The following DYNC1H1 variants were observed in gnomAD, a reference collection of about 807,000 sequenced individuals.
The protein encoded by DYNC1H1 is cytoplasmic dynein 1 heavy chain 1.
Under a neutral mutation model 527.1 loss-of-function variants are expected in DYNC1H1, and 51 were observed. The ratio of observed to expected loss-of-function variants is 0.10; its 90% CI spans 0.08 to 0.12. The LOEUF is 0.12. DYNC1H1 is among the 10% of genes least tolerant of loss of function. The pLI is 1.00. For missense variants in DYNC1H1, 2,771 were observed against 5,971.8 expected (o/e 0.46, Z 17.66); for synonymous variants, 2,189 against 2,278.8 (o/e 0.96, Z 1.12).
At position 102,039,272 on chromosome 14, in the gene DYNC1H1, G is replaced by A. The variant is rs200138434; in HGVS notation, c.11460+18G>A. On this transcript the variant is annotated intron_variant, in intron 60 of 77. Transcript: ENST00000360184. This position sits in a 1 kb window ranked among gnomAD's most constrained non-coding sequence, Gnocchi z 7.0. Reference sequence around the variant, plus strand: ...TCAAGCAGGTGGGTGCCTTGGCCATGCAGAGACTGGCGGGCCCCGCACAGT... The same window carrying A: ...TCAAGCAGGTGGGTGCCTTGGCCATACAGAGACTGGCGGGCCCCGCACAGT... 1 of 1,612,824 alleles carries A rather than the reference G, an allele frequency of 6.2e-7. No homozygotes were observed. The highest frequency in any genetic ancestry group is 1.9e-4 in the Middle Eastern group (1 of 5,236).
At position 102,049,664 on chromosome 14, in the gene DYNC1H1, G is replaced by T; in HGVS notation, c.13516-50G>T. 6.2e-7 allele frequency: 1 copy of T among 1,613,562 alleles called. No homozygotes were observed. On this transcript the variant is annotated intron_variant, in intron 75 of 77. Coordinates refer to ENST00000360184, the MANE Select transcript of DYNC1H1 (RefSeq NM_001376.5). The surrounding 1 kb of genome is among the most constrained non-coding windows in gnomAD (Gnocchi z 5.5). ...GAGTGGCTCTGGGGAAAAACACAGG[G>T]CCCAGGTCTGACCTGAGCTCCTTCC... is the stretch of plus-strand genomic sequence containing the variant.
At position 102,044,943 on chromosome 14, in the gene DYNC1H1, G is replaced by T. The variant is rs142287942; in HGVS notation, c.13006+245G>T. ...TCTCTGCAGCATCAACTCAGTTCTA[G>T]AGAAAAGGCTTGATATTTATGTAAA... On this transcript the variant is annotated intron_variant, in intron 72 of 77. Transcript: ENST00000360184. This position sits in a 1 kb window ranked among gnomAD's most constrained non-coding sequence, Gnocchi z 7.1. 3.8e-5 allele frequency: 22 copies of T among 572,768 alleles called. 1 individual carries two copies. The East Asian group carries it at 6.6e-4, about 17-fold the overall frequency. 35.5% of individuals were successfully genotyped at this position (572,768 alleles called of 1,614,324 possible). A position where few individuals can be genotyped will look rare whatever the true frequency, so the allele number is the denominator to read the frequency against.
rs757934129 is a variant in DYNC1H1, at chr14:101,964,791, C to T, written c.100C>T (p.Leu34=). ...VADVSVLQKH[L]RKLVPLLLED... is the part of the protein sequence containing the mutation. ...GGACGTGTCGGTGCTGCAGAAGCAC[C>T]TGCGCAAGCTGGTGCCGCTGCTGCT... Residue 34 remains leucine (L), a synonymous_variant, in exon 1 of 78, where the codon CTG becomes TTG. Transcript: ENST00000360184. This position sits in a 1 kb window ranked among gnomAD's most constrained non-coding sequence, Gnocchi z 5.5. 1.2e-5 allele frequency: 19 copies of T among 1,602,658 alleles called. No individual in the cohort carries two copies. Among genetic ancestry groups the T allele is most frequent in the Non-Finnish European group, 3.4e-6 (4 of 1,176,696 alleles).
Position 102,010,263 on chromosome 14 carries a change from TC to T in DYNC1H1, c.6222-12del. ...ACTGTTATTAAAGATAGCCTTTTTT[TC>T]TTCTTTTCTAGACTATGCGATGAGC... On this transcript the variant is annotated splice_polypyrimidine_tract_variant and intron_variant, in intron 30 of 77. Coordinates refer to ENST00000360184, the MANE Select transcript of DYNC1H1 (RefSeq NM_001376.5). The surrounding 1 kb of genome is among the most constrained non-coding windows in gnomAD (Gnocchi z 6.0). 1 of 1,613,724 alleles carries T rather than the reference TC, an allele frequency of 6.2e-7. No homozygotes were observed. Among genetic ancestry groups the T allele is most frequent in the Non-Finnish European group, 8.5e-7 (1 of 1,180,012 alleles).
rs770752094 is a variant in DYNC1H1, at chr14:102,010,392, G to A, written c.6338G>A (p.Arg2113Lys). 4 of 1,614,154 alleles carry A rather than the reference G, an allele frequency of 2.5e-6. No individual in the cohort carries two copies. In the South Asian group the frequency reaches 4.4e-5, roughly 18 times the overall value. The change falls in exon 31 of 78, where the codon AGG (arginine) becomes AAG (lysine). Residue 2113 changes from arginine to lysine, a missense_variant. By Grantham distance (26) the Arg-to-Lys change is conservative. This residue lies in a region of DYNC1H1 where 56 missense variants were observed against 140.6 expected (regional missense o/e 0.40). Transcript: ENST00000360184. The surrounding 1 kb of genome is among the most constrained non-coding windows in gnomAD (Gnocchi z 6.0). ...AGAGAGAGAATCCAGAAGATAAAGAGGGAGAAAGAGGAACGAGGGGAAGCA... is the reference window on the plus strand; with the variant it reads ...AGAGAGAGAATCCAGAAGATAAAGAAGGAGAAAGAGGAACGAGGGGAAGCA... ...VKRERIQKIK[R>K]EKEERGEAVD...
At position 102,036,228 on chromosome 14, in the gene DYNC1H1, G is replaced by A. The variant is rs1474065371; in HGVS notation, c.10755-261G>A. The A allele has an allele frequency of 6.8e-6, 3 of 442,648 alleles. No homozygotes were observed. Among genetic ancestry groups the A allele is most frequent in the Non-Finnish European group, 1.3e-5 (3 of 237,534 alleles). 27.4% of individuals were successfully genotyped at this position (442,648 alleles called of 1,614,324 possible). A position where few individuals can be genotyped will look rare whatever the true frequency, so the allele number is the denominator to read the frequency against. ...TGCTGAGAGGATGATTGTCCCAGAA[G>A]GAAAAAGATTTTTAACTATGGCCCT... On this transcript the variant is annotated intron_variant, in intron 56 of 77. Transcript: ENST00000360184. The surrounding 1 kb of genome is among the most constrained non-coding windows in gnomAD (Gnocchi z 5.6).
In DYNC1H1 at chr14:102,001,487, G is replaced by A; in HGVS notation, c.4396-48G>A. The A allele has an allele frequency of 6.2e-7, 1 of 1,614,102 alleles. No homozygotes were observed. Among genetic ancestry groups the A allele is most frequent in the Non-Finnish European group, 8.5e-7 (1 of 1,179,994 alleles). On this transcript the variant is annotated intron_variant, in intron 20 of 77. Transcript: ENST00000360184. The surrounding 1 kb of genome is among the most constrained non-coding windows in gnomAD (Gnocchi z 5.0). ...TAATGCTGGGTCCCTTGTGCAGGTAGTGAATGCCCACATATTGATAACATG... is the reference window on the plus strand; with the variant it reads ...TAATGCTGGGTCCCTTGTGCAGGTAATGAATGCCCACATATTGATAACATG...
At position 102,015,897 on chromosome 14, in the gene DYNC1H1, G is replaced by T. The variant is rs762065704; in HGVS notation, c.7284G>T (p.Thr2428=). ...CTACGATCATGCAACCGTACTTCAC[G>T]TCCAACGGCCTGGTCACCAAGGCGC... ...DAATIMQPYF[T]SNGLVTKALE... Residue 2428 remains threonine (T), a synonymous_variant, in exon 36 of 78, where the codon ACG becomes ACT. Coordinates refer to ENST00000360184, the MANE Select transcript of DYNC1H1 (RefSeq NM_001376.5). This position sits in a 1 kb window ranked among gnomAD's most constrained non-coding sequence, Gnocchi z 6.9. 2 of 1,614,230 alleles carry T rather than the reference G, an allele frequency of 1.2e-6. No individual in the cohort carries two copies. Among genetic ancestry groups the T allele is most frequent in the Admixed American group, 1.7e-5 (1 of 60,026 alleles).
At position 102,005,088 on chromosome 14, in the gene DYNC1H1, T is replaced by C. The variant is rs749796285; in HGVS notation, c.5285T>C (p.Val1762Ala). 1.2e-6 allele frequency: 2 copies of C among 1,614,082 alleles called. No individual in the cohort carries two copies. Among genetic ancestry groups the C allele is most frequent in the African/African-American group, 2.7e-5 (2 of 74,934 alleles). Residue 1762 changes from valine to alanine, a missense_variant, in exon 26 of 78, where the codon GTG becomes GCG. Physicochemically the swap from Val to Ala is moderately conservative, Grantham distance 64 (BLOSUM62 0). Around this residue, in one of 32 missense-constraint regions of DYNC1H1, gnomAD observed 105 missense variants for 138.1 expected, o/e 0.76. Coordinates refer to ENST00000360184, the MANE Select transcript of DYNC1H1 (RefSeq NM_001376.5). This position sits in a 1 kb window ranked among gnomAD's most constrained non-coding sequence, Gnocchi z 4.0. ...GCCCAGATAGCCTGGTCTGAGAACG[T>C]GGAGACCGCACTGAGCAGCATGGGC... ...LSAQIAWSEN[V>A]ETALSSMGGG...
rs1567017804 is a variant in DYNC1H1, at chr14:102,029,647, G to A, written c.9577G>A (p.Glu3193Lys). Residue 3193 changes from glutamate (E) to lysine (K), a missense_variant, in exon 49 of 78, where the codon GAG becomes AAG. Glu to Lys is a moderately conservative substitution (Grantham distance 56). Coordinates refer to ENST00000360184, the MANE Select transcript of DYNC1H1 (RefSeq NM_001376.5). This position sits in a 1 kb window ranked among gnomAD's most constrained non-coding sequence, Gnocchi z 5.3. ...YANLFHEKRS[E>K]LEEQQMHLNV... Reference sequence around the variant, plus strand: ...CAACCTGTTCCACGAGAAGCGGAGCGAGCTGGAGGAGCAGCAGATGCACTT... The same window carrying A: ...CAACCTGTTCCACGAGAAGCGGAGCAAGCTGGAGGAGCAGCAGATGCACTT... 6.2e-7 allele frequency: 1 copy of A among 1,614,224 alleles called. No homozygotes were observed. Among genetic ancestry groups the A allele is most frequent in the Non-Finnish European group, 8.5e-7 (1 of 1,180,052 alleles).
chr14:102,038,291 T>G lies in DYNC1H1; in HGVS notation c.10909-169T>G. 1 of 1,166,714 alleles carries G rather than the reference T, an allele frequency of 8.6e-7. No homozygotes were observed. Among genetic ancestry groups the G allele is most frequent in the Non-Finnish European group, 1.2e-6 (1 of 815,060 alleles). The allele number at this position is 1,166,714 out of a possible 1,614,324, so 72.3% of individuals were successfully genotyped here. The stretch of plus-strand genomic sequence containing the variant: ...ACCGCATCTGGCTGAGTTTTTAATT[T>G]TAGTTCATTTAAATGTAAGTAGCCA... On this transcript the variant is annotated intron_variant, in intron 57 of 77. Transcript: ENST00000360184. The surrounding 1 kb of genome is among the most constrained non-coding windows in gnomAD (Gnocchi z 7.2).
rs199886275 is a variant in DYNC1H1 at position 102,012,627 on chromosome 14, AT to A, written c.7014+165del. On this transcript the variant is annotated intron_variant, in intron 34 of 77. Coordinates refer to ENST00000360184, the MANE Select transcript of DYNC1H1 (RefSeq NM_001376.5). The surrounding 1 kb of genome is among the most constrained non-coding windows in gnomAD (Gnocchi z 4.9). ...TCAAAGATAGCATCTCAACTGCTAG[AT>A]TTTTTTTCCATTTCCATGGCTAGTG... 3.8e-6 allele frequency: 4 copies of A among 1,045,858 alleles called. No individual in the cohort carries two copies. Among genetic ancestry groups the A allele is most frequent in the Non-Finnish European group, 4.3e-6 (3 of 694,078 alleles). 64.8% of individuals were successfully genotyped at this position (1,045,858 alleles called of 1,614,324 possible). A position where few individuals can be genotyped will look rare whatever the true frequency, so the allele number is the denominator to read the frequency against.
At position 102,027,735 on chromosome 14, in the gene DYNC1H1, T is replaced by C. The variant is rs1156471496; in HGVS notation, c.9165T>C (p.Thr3055=). 8.1e-6 allele frequency: 13 copies of C among 1,614,192 alleles called. No individual in the cohort carries two copies. Among genetic ancestry groups the C allele is most frequent in the African/African-American group, 1.3e-5 (1 of 75,050 alleles). Residue 3055 remains threonine, a synonymous_variant, in exon 47 of 78, where the codon ACT becomes ACC. Transcript: ENST00000360184. The surrounding 1 kb of genome is among the most constrained non-coding windows in gnomAD (Gnocchi z 7.7). ...DSHEELYKWF[T]SQVIRNLHVV... is the part of the protein sequence containing the mutation. ...ACGAGGAGCTCTACAAGTGGTTCAC[T>C]AGCCAGGTTATCCGCAACCTCCACG...
intron 50 of DYNC1H1, 111 bp from the exon 51 acceptor site, chr14:102,030,051 A>G (rs978960035): frequency 6.4e-6 from 10 of 1,564,252 alleles, no homozygotes; most frequent in Middle Eastern, 3.4e-4. Flanking sequence ...GGAGGGAGGG[A>G]GAGAGAGTGT....
chr14:102,032,609 T>A, intron 52 of DYNC1H1, 142 bp downstream of exon 52: 1 of 1,134,278 alleles, frequency 8.8e-7, no homozygotes, highest in Non-Finnish European at 1.3e-6. Context: ...CCCAGAACTT[T>A]GGGAGGCTGA....
Position 102,001,324 on chromosome 14 carries a change from G to A in DYNC1H1, c.4365G>A (p.Gly1455=), listed in dbSNP as rs779460404. Residue 1455 remains glycine (G), a synonymous_variant, in exon 20 of 78, where the codon GGG becomes GGA. Coordinates refer to ENST00000360184, the MANE Select transcript of DYNC1H1 (RefSeq NM_001376.5). The surrounding 1 kb of genome is among the most constrained non-coding windows in gnomAD (Gnocchi z 5.0). ...AGGATGTACTGCTTGTGGCACAAGG[G>A]GAGATGGCTTTGGAAGAATTTTTGA... ...IVKDVLLVAQ[G]EMALEEFLKQ... is the part of the protein sequence containing the mutation. The A allele has an allele frequency of 1.2e-6, 2 of 1,614,074 alleles. No individual in the cohort carries two copies. Among genetic ancestry groups the A allele is most frequent in the Non-Finnish European group, 1.7e-6 (2 of 1,180,046 alleles).
rs942961529 is a variant in DYNC1H1 at position 101,975,914 on chromosome 14, T to A, written c.344+115T>A. ...ACTAAGAGAATTAATATAAATCTTT[T>A]TTTTTTTTTTGAGACGGAGTTTCGC... is the stretch of plus-strand genomic sequence containing the variant. On this transcript the variant is annotated intron_variant, in intron 2 of 77. Transcript: ENST00000360184. 42 of 888,092 alleles carry A rather than the reference T, an allele frequency of 4.7e-5. 1 individual carries two copies. The highest frequency in any genetic ancestry group is 6.9e-5 in the Non-Finnish European group (41 of 590,292). 55.0% of individuals were successfully genotyped at this position (888,092 alleles called of 1,614,324 possible). A position where few individuals can be genotyped will look rare whatever the true frequency, so the allele number is the denominator to read the frequency against.
At chr14:102,046,811 T>G (rs1358497994) in intron 72 of DYNC1H1, among the ~76,000 whole-genome samples, 1 of 151,660 alleles carries the variant, frequency 6.6e-6, no homozygotes. Context: ...TTTTTTTTTT[T>G]GCTTTGAGAC....
intron 69 of DYNC1H1, chr14:102,043,063 C>G: frequency 7.8e-6 from 3 of 385,022 alleles, no homozygotes; most frequent in South Asian, 4.2e-5. Context: ...GGGCAGATCA[C>G]TTGAGGTCAG....
Sources: allele counts gnomAD v4.1 joint callset (sites outside exome capture counted in the v4.1 genomes callset), GRCh38; gene constraint gnomAD v4.1.1; regional missense constraint gnomAD v4.1.1; non-coding constraint Gnocchi (gnomAD v3.1); transcripts MANE v1.5; gene names NCBI Gene and HGNC (gene_info 2026-07-23, HGNC 2026-07-21).